The following XXYLT1 variants were observed in gnomAD, a reference collection of about 807,000 sequenced individuals.
XXYLT1 encodes the protein xyloside xylosyltransferase 1.
A neutral mutation model predicts 28.9 loss-of-function variants in XXYLT1; 20 were observed. The observed-to-expected ratio is 0.69, with a 90% CI of 0.49 to 1.00. The LOEUF (loss-of-function observed/expected upper bound fraction) is 1.00, where lower values mean the gene tolerates loss of function less well. Among genes scored for constraint, XXYLT1 ranks in the 50% least tolerant of loss-of-function variants. XXYLT1 has a pLI of 0.00. For missense variants in XXYLT1, 542 were observed against 560.1 expected (o/e 0.97, Z 0.33); for synonymous variants, 257 against 253.8 (o/e 1.01, Z -0.12).
chr3:195,131,725 G>A (rs1171063827), intron 3 of XXYLT1, among the ~76,000 whole-genome samples: 1 of 152,104 alleles, frequency 6.6e-6, no homozygotes, highest in Non-Finnish European at 1.5e-5. Flanking sequence ...AAACCTCTAT[G>A]GTAAATGTTT....
At chr3:195,151,806 G>T (rs1190328991) in intron 3 of XXYLT1, among the ~76,000 whole-genome samples, 3 of 151,512 alleles carry the variant, frequency 2.0e-5, no homozygotes, top group African/African-American at 7.3e-5. Flanking sequence ...TATGCCTGGG[G>T]GAGGGATTGA....
chr3:195,178,683 C>A (rs962604664), intron 2 of XXYLT1, among the ~76,000 whole-genome samples: 1 of 152,190 alleles, frequency 6.6e-6, no homozygotes, highest in Admixed American at 6.5e-5. Flanking sequence ...ACGGTCTTCA[C>A]ACCTGGGCCC....
chr3:195,234,588 G>A (rs747475836), intron 1 of XXYLT1, among the ~76,000 whole-genome samples: 8 of 152,036 alleles, frequency 5.3e-5, no homozygotes, highest in Admixed American at 3.3e-4. Context: ...CAAAGTGCTC[G>A]GATTACAGGC....
At chr3:195,254,628 T>C (rs1725406980) in intron 1 of XXYLT1, among the ~76,000 whole-genome samples, 1 of 152,230 alleles carries the variant, frequency 6.6e-6, no homozygotes, top group Non-Finnish European at 1.5e-5. Flanking sequence ...TGCGCCAGGC[T>C]GGGACCTGAC....
intron 3 of XXYLT1, among the ~76,000 whole-genome samples, chr3:195,156,150 G>A (rs1720578645): frequency 6.6e-6 from 1 of 152,188 alleles, no homozygotes; most frequent in South Asian, 2.1e-4. Flanking sequence ...TCCTCCGTAA[G>A]GCAAAGCCCA....
chr3:195,112,437 CGCACGCACACCCACACGCATGT>C (rs1469893865), intron 3 of XXYLT1, among the ~76,000 whole-genome samples: 2 of 47,846 alleles, frequency 4.2e-5, no homozygotes, highest in Admixed American at 2.7e-4. Context: ...TGCACACACA[CGCACGCACACCCACACGCATGT>C]GCACACCCAC....
chr3:195,161,302 T>C (rs141582567), intron 2 of XXYLT1, among the ~76,000 whole-genome samples: 91 of 152,296 alleles, frequency 6.0e-4, no homozygotes, highest in Middle Eastern at 3.4e-3. Context: ...CCTCGCTCGA[T>C]AGTTTGCTTG....
At chr3:195,104,147 C>T (rs560446545) in intron 3 of XXYLT1, among the ~76,000 whole-genome samples, 1 of 151,608 alleles carries the variant, frequency 6.6e-6, no homozygotes, top group South Asian at 2.1e-4. Context: ...TGAGTAGAAG[C>T]CCTTTGGGAG....
chr3:195,157,242 C>CAAA (rs34312884), intron 2 of XXYLT1, among the ~76,000 whole-genome samples: 73 of 73,682 alleles, frequency 9.9e-4, no homozygotes, highest in Non-Finnish European at 1.4e-3. Flanking sequence ...GGCGCCATCT[C>CAAA]AAAAAAAAAA....
chr3:195,080,903 C>G (rs1344263873), intron 3 of XXYLT1, among the ~76,000 whole-genome samples: 1 of 152,238 alleles, frequency 6.6e-6, no homozygotes. Flanking sequence ...TGACCCCCGG[C>G]TGCAAACTGT....
intron 3 of XXYLT1, among the ~76,000 whole-genome samples, chr3:195,105,099 G>GC (rs1717013424): frequency 6.6e-6 from 1 of 152,154 alleles, no homozygotes; most frequent in Non-Finnish European, 1.5e-5. Context: ...ATAACCAACT[G>GC]CTCACTAGTG....
At chr3:195,184,403 A>C (rs993509186) in intron 2 of XXYLT1, among the ~76,000 whole-genome samples, 2 of 152,360 alleles carry the variant, frequency 1.3e-5, no homozygotes, top group African/African-American at 4.8e-5. Context: ...CCTTTAGATC[A>C]TAACAAAGGG....
intron 2 of XXYLT1, among the ~76,000 whole-genome samples, chr3:195,156,810 T>A (rs1720621194): frequency 6.6e-6 from 1 of 152,134 alleles, no homozygotes; most frequent in Admixed American, 6.5e-5. Flanking sequence ...ACTGCAGACA[T>A]CCATTTTGCT....
intron 1 of XXYLT1, among the ~76,000 whole-genome samples, chr3:195,253,052 C>T (rs1427668017): frequency 6.6e-6 from 1 of 152,152 alleles, no homozygotes; most frequent in Non-Finnish European, 1.5e-5. Context: ...TACAGCTTTC[C>T]ACTACCTGGA....
intron 1 of XXYLT1, chr3:195,259,681 G>T: frequency 1.0e-6 from 1 of 985,390 alleles, no homozygotes. Context: ...CGGGCTCCAG[G>T]CCAGCGCCAG....
At chr3:195,098,291 C>T (rs7631192) in intron 3 of XXYLT1, among the ~76,000 whole-genome samples, 41,372 of 152,050 alleles carry the variant, frequency 0.27, 6,315 homozygotes, top group African/African-American at 0.43. Flanking sequence ...CAGTGGCTCA[C>T]GCCTGTAATC....
rs148078105 is a variant in XXYLT1 at position 195,212,574 on chromosome 3, A to G, written c.652+14135T>C. Among the ~76,000 whole-genome samples, 15 of 152,268 alleles carry G rather than the reference A, an allele frequency of 9.9e-5. No individual in the cohort carries two copies. In the East Asian group the frequency reaches 2.9e-3, roughly 29 times the overall value. Reference sequence around the variant, plus strand: ...GGTGGGAGGCGGGCCAGTGAGCATCACCACCTGGGCTCCACCTCCTGTCAG... The same window carrying G: ...GGTGGGAGGCGGGCCAGTGAGCATCGCCACCTGGGCTCCACCTCCTGTCAG... On this transcript the variant is annotated intron_variant, in intron 2 of 3. Coordinates refer to ENST00000310380, the MANE Select transcript of XXYLT1 (RefSeq NM_152531.5).
chr3:195,087,793 G>A (rs1715822324), intron 3 of XXYLT1, among the ~76,000 whole-genome samples: 1 of 152,140 alleles, frequency 6.6e-6, no homozygotes, highest in South Asian at 2.1e-4. Flanking sequence ...ACTAGGGAGT[G>A]CCAGACAGTG....
chr3:195,136,437 G>A (rs75860980), intron 3 of XXYLT1, among the ~76,000 whole-genome samples: 173 of 152,164 alleles, frequency 1.1e-3, no homozygotes, highest in African/African-American at 4.0e-3. Flanking sequence ...TAGAGGATGT[G>A]GTCTAAGAAC....
Sources: allele counts gnomAD v4.1 joint callset (sites outside exome capture counted in the v4.1 genomes callset), GRCh38; gene constraint gnomAD v4.1.1; transcripts MANE v1.5; gene names NCBI Gene and HGNC (gene_info 2026-07-23, HGNC 2026-07-21).